Variants in TMEM39B observed in about 807,000 individuals in gnomAD.
TMEM39B encodes the protein transmembrane protein 39B.
In TMEM39B, 23 loss-of-function variants were observed where a neutral mutation model predicts 52.2. That is an observed-to-expected ratio of 0.44 (90% CI 0.32 to 0.62). The LOEUF (loss-of-function observed/expected upper bound fraction) is 0.62. Ranked by LOEUF, TMEM39B falls within the 20% of genes least tolerant of loss-of-function variation. TMEM39B has a pLI of 0.06. For missense variants in TMEM39B, 547 were observed against 642.0 expected, an observed-to-expected ratio of 0.85 and a Z score of 1.60; for synonymous variants, 285 against 264.0, an observed-to-expected ratio of 1.08 and a Z score of -0.77.
At chr1:32,095,878 G>T (rs1369128935) in intron 7 of TMEM39B, 1 of 152,312 alleles carries the variant, frequency 6.6e-6, no homozygotes, top group East Asian at 1.9e-4. Flanking sequence ...GTCCAGAAGA[G>T]TGACTGGGCA....
At chr1:32,102,102 A>G (rs1399857105) in intron 8 of TMEM39B, among the ~76,000 whole-genome samples, 1 of 152,160 alleles carries the variant, frequency 6.6e-6, no homozygotes, top group East Asian at 1.9e-4. Context: ...AATTAAAAAA[A>G]ATTTTTTTAA....
intron 6 of TMEM39B, 89 bp downstream of exon 6, chr1:32,092,100 A>G (rs1393414563): frequency 3.2e-6 from 4 of 1,242,684 alleles, no homozygotes; most frequent in African/African-American, 3.0e-5. Flanking sequence ...TGGCCTAACT[A>G]TGCTGTTTTT....
rs367810513 is a variant in TMEM39B at position 32,100,577 on chromosome 1, C to T, written c.1236+15C>T. ...TCCGCTTCCATGTGAGTCTCCTCCC[C>T]GGGGAAGGAGGGTTGGGGCCTGAGA... On this transcript the variant is annotated intron_variant, in intron 8 of 8. Coordinates refer to ENST00000336294, the MANE Select transcript of TMEM39B (RefSeq NM_018056.4). The T allele has an allele frequency of 2.8e-5, 45 of 1,613,976 alleles. No individual in the cohort carries two copies. The highest frequency in any genetic ancestry group is 1.7e-4 in the Middle Eastern group (1 of 6,060).
At chr1:32,075,200 A>G in intron 2 of TMEM39B, 123 bp downstream of exon 2, 1 of 1,359,556 alleles carries the variant, frequency 7.4e-7, no homozygotes. Context: ...GAGGGGAGTA[A>G]GCAGCAGAAA....
At chr1:32,081,709 C>G (rs1468942434) in intron 5 of TMEM39B, among the ~76,000 whole-genome samples, 1 of 151,912 alleles carries the variant, frequency 6.6e-6, no homozygotes, top group Non-Finnish European at 1.5e-5. Flanking sequence ...GTTTGCACCA[C>G]TGCACTCCAG....
intron 7 of TMEM39B, among the ~76,000 whole-genome samples, chr1:32,098,932 G>C (rs1640915286): frequency 6.6e-6 from 1 of 152,096 alleles, no homozygotes; most frequent in South Asian, 2.1e-4. Flanking sequence ...TGGACTAGTA[G>C]CAGGAGATGC....
At chr1:32,090,614 A>AT (rs543501589) in intron 5 of TMEM39B, among the ~76,000 whole-genome samples, 1 of 151,082 alleles carries the variant, frequency 6.6e-6, no homozygotes, top group African/African-American at 2.4e-5. Flanking sequence ...TACCTGCCTA[A>AT]TTTTTTTTTG....
intron 7 of TMEM39B, among the ~76,000 whole-genome samples, chr1:32,097,675 C>T (rs1014393124): frequency 5.3e-5 from 8 of 151,078 alleles, no homozygotes; most frequent in African/African-American, 1.5e-4. Context: ...GATGGAGTCT[C>T]GCTCTGTCGC....
rs1641023779 is a variant in TMEM39B, at chr1:32,101,640, A to G, written c.1237-791A>G. Reference sequence around the variant, plus strand: ...GATGTCTTCATTTCACAGTTGAGACATCCAAGCCCCAGAGAGGAAAGGGAC... The same window carrying G: ...GATGTCTTCATTTCACAGTTGAGACGTCCAAGCCCCAGAGAGGAAAGGGAC... On this transcript the variant is annotated intron_variant, in intron 8 of 8. Transcript: ENST00000336294. Among the ~76,000 whole-genome samples the G allele has an allele frequency of 2.0e-5, 3 of 152,174 alleles. No homozygotes were observed. In the South Asian group the frequency reaches 6.2e-4, roughly 31 times the overall value.
At position 32,073,044 on chromosome 1, in the gene TMEM39B, G is replaced by A. The variant is rs757484216; in HGVS notation, c.-4G>A. 1.5e-5 allele frequency: 23 copies of A among 1,519,742 alleles called. No individual in the cohort carries two copies. Among genetic ancestry groups the A allele is most frequent in the South Asian group, 1.5e-4 (12 of 81,548 alleles). The allele number at this position is 1,519,742 out of a possible 1,614,324, so 94.1% of individuals were successfully genotyped here. A position where few individuals can be genotyped will look rare whatever the true frequency, so the allele number is the denominator to read the frequency against. ...GGCGAAGCGGAGAGCACCGGGGGGA[G>A]GAGATGGGTGAGCAGAGCGGCTCAG... On this transcript the variant is annotated 5_prime_UTR_variant, in exon 1 of 9. Coordinates refer to ENST00000336294, the MANE Select transcript of TMEM39B (RefSeq NM_018056.4).
chr1:32,093,771 C>G (rs1212052118), intron 6 of TMEM39B, among the ~76,000 whole-genome samples: 1 of 151,440 alleles, frequency 6.6e-6, no homozygotes, highest in Non-Finnish European at 1.5e-5. Context: ...TACAATCCTC[C>G]TAGCGCCTCT....
At chr1:32,084,705 G>C (rs1014823254) in intron 5 of TMEM39B, among the ~76,000 whole-genome samples, 2 of 152,050 alleles carry the variant, frequency 1.3e-5, no homozygotes, top group African/African-American at 4.8e-5. Flanking sequence ...GAGTAGCTGG[G>C]ATTACAGGCA....
chr1:32,100,728 T>G (rs1327591155), intron 8 of TMEM39B, 166 bp downstream of exon 8: 1 of 962,020 alleles, frequency 1.0e-6, no homozygotes, highest in Non-Finnish European at 1.5e-6. Flanking sequence ...AAATTGTCAC[T>G]TAATAACTGC....
At chr1:32,073,236 G>T in intron 1 of TMEM39B, 185 bp downstream of exon 1, 31 of 509,482 alleles carry the variant, frequency 6.1e-5, no homozygotes, top group East Asian at 6.0e-5. Context: ...GTGGGGGCGG[G>T]ACATTGGACG....
At chr1:32,093,312 T>A (rs1413179428) in intron 6 of TMEM39B, among the ~76,000 whole-genome samples, 1 of 150,602 alleles carries the variant, frequency 6.6e-6, no homozygotes, top group African/African-American at 2.4e-5. Context: ...TTGGCCAGGC[T>A]GGTCTTGAAC....
At chr1:32,088,039 T>C (rs529111798) in intron 5 of TMEM39B, among the ~76,000 whole-genome samples, 15 of 149,060 alleles carry the variant, frequency 1.0e-4, no homozygotes, top group African/African-American at 3.7e-4. Context: ...GGCAGAAGAA[T>C]GGCGTGAACC....
At chr1:32,079,538 G>A (rs1640007595) in intron 5 of TMEM39B, among the ~76,000 whole-genome samples, 1 of 151,660 alleles carries the variant, frequency 6.6e-6, no homozygotes, top group African/African-American at 2.4e-5. Flanking sequence ...GCAATTATGT[G>A]GTCCCCCACT....
At chr1:32,101,561 C>T (rs1462753511) in intron 8 of TMEM39B, among the ~76,000 whole-genome samples, 1 of 152,062 alleles carries the variant, frequency 6.6e-6, no homozygotes, top group Non-Finnish European at 1.5e-5. Context: ...TAAAGGATCC[C>T]CTTGAAACCT....
chr1:32,094,661 T>A, intron 6 of TMEM39B, 123 bp from the exon 7 acceptor site: 1 of 1,075,930 alleles, frequency 9.3e-7, no homozygotes, highest in Non-Finnish European at 1.4e-6. Context: ...GATTCTTGGT[T>A]TCAGGCTATT....
Sources: gnomAD v4.1 joint callset for allele counts (sites outside exome capture counted in the v4.1 genomes callset) on GRCh38, gnomAD v4.1.1 for gene constraint, MANE v1.5 for transcripts, NCBI Gene and HGNC (gene_info 2026-07-23, HGNC 2026-07-21) for gene names.